The following KCNH3 variants were observed in gnomAD, a reference collection of about 807,000 sequenced individuals.
KCNH3 encodes the protein potassium voltage-gated channel subfamily H member 3, also known as voltage-gated inwardly rectifying potassium channel KCNH3.
A neutral mutation model predicts 95.6 loss-of-function variants in KCNH3; 36 were observed. That is an observed-to-expected ratio of 0.38 (90% CI 0.29 to 0.50). The LOEUF (loss-of-function observed/expected upper bound fraction) is 0.50, where lower values mean the gene tolerates loss of function less well. Ranked by LOEUF, KCNH3 falls within the 20% of genes least tolerant of loss-of-function variation. The pLI is 0.95. For synonymous variants in KCNH3, 620 were observed against 646.3 expected, an observed-to-expected ratio of 0.96 and a Z score of 0.62; for missense variants, 1,030 against 1,484.1, an observed-to-expected ratio of 0.69 and a Z score of 5.03.
rs202088172 is a variant in KCNH3, at chr12:49,557,717, G to A, written c.3016G>A (p.Gly1006Arg). The stretch of plus-strand genomic sequence containing the variant: ...CTCAGACTCAGAGCCCCCTGCCTCA[G>A]GAGACCTCTGCTCTGAGCCCAGCAC... ...STSDSEPPASGDLCSEPSTPA... is the reference protein window; with the variant it reads ...STSDSEPPASRDLCSEPSTPA... The change falls in exon 15 of 15, where the codon GGA becomes AGA. Residue 1006 changes from glycine (G) to arginine (R), a missense_variant. This residue lies in a region of KCNH3 where 464 missense variants were observed against 493.2 expected (regional missense o/e 0.94). Coordinates refer to ENST00000257981, the MANE Select transcript of KCNH3 (RefSeq NM_012284.3). The A allele has an allele frequency of 1.2e-5, 19 of 1,613,760 alleles. No homozygotes were observed. The Admixed American group carries it at 2.8e-4, about 24-fold the overall frequency.
At chr12:49,550,043 T>TGGCCCCCCCC in intron 9 of KCNH3, 37 bp from the exon 10 acceptor site, 19 of 1,299,538 alleles carry the variant, frequency 1.5e-5, no homozygotes, top group Non-Finnish European at 1.9e-5. Context: ...CTTCTGCCAC[T>TGGCCCCCCCC]CCCAACCCCC....
intron 1 of KCNH3, 60 bp from the exon 2 acceptor site, chr12:49,540,839 G>A: frequency 3.6e-6 from 5 of 1,371,822 alleles, no homozygotes; most frequent in South Asian, 1.2e-5. Flanking sequence ...TGAGAAAGGA[G>A]GGGTGGTAGG....
At chr12:49,541,581 C>T (rs369487132) in intron 2 of KCNH3, 49 bp from the exon 3 acceptor site, 1 of 1,604,660 alleles carries the variant, frequency 6.2e-7, no homozygotes, top group Non-Finnish European at 8.5e-7. Flanking sequence ...TCTGTCACCT[C>T]AGGCAGTGCT....
rs750785270 is a variant in KCNH3 at position 49,557,973 on chromosome 12, G to C, written c.*20G>C. On this transcript the variant is annotated 3_prime_UTR_variant, in exon 15 of 15. Transcript: ENST00000257981. Reference sequence around the variant, plus strand: ...GTCTGAGTACCAGCCCTAGAACTCAGCGTTGCCAGGTGTGCTGCCATCTGC... The same window carrying C: ...GTCTGAGTACCAGCCCTAGAACTCACCGTTGCCAGGTGTGCTGCCATCTGC... 7 of 1,451,632 alleles carry C rather than the reference G, an allele frequency of 4.8e-6. No homozygotes were observed. Among genetic ancestry groups the C allele is most frequent in the Non-Finnish European group, 6.4e-6 (7 of 1,098,606 alleles). 89.9% of individuals were successfully genotyped at this position (1,451,632 alleles called of 1,614,324 possible).
intron 7 of KCNH3, among the ~76,000 whole-genome samples, chr12:49,547,813 A>ACACAT (rs1046472484): frequency 1.4e-4 from 21 of 152,150 alleles, no homozygotes; most frequent in Admixed American, 1.3e-3. Flanking sequence ...AGCCACAGCC[A>ACACAT]CACATACCCT....
In KCNH3 at chr12:49,557,247, G is replaced by A. The variant is rs576049455; in HGVS notation, c.2640G>A (p.Lys880=). 4.3e-6 allele frequency: 7 copies of A among 1,614,010 alleles called. No individual in the cohort carries two copies. The East Asian group carries it at 1.6e-4, about 36-fold the overall frequency. ...CAAGGAACACAGACACACTGGACAAGCTTCGGCAGGCGGTGGGTGAGGGGG... is the reference window on the plus strand; with the variant it reads ...CAAGGAACACAGACACACTGGACAAACTTCGGCAGGCGGTGGGTGAGGGGG... ...SEARNTDTLD[K]LRQAVTELSE... The change falls in exon 14 of 15, where the codon AAG becomes AAA. Residue 880 remains lysine, a synonymous_variant. Transcript: ENST00000257981.
In KCNH3 at chr12:49,549,913, C is replaced by T. The variant is rs1027422294; in HGVS notation, c.1669-167C>T. 2.6e-5 allele frequency among the ~76,000 whole-genome samples: 4 copies of T among 152,154 alleles called. 1 individual carries two copies. Among genetic ancestry groups the T allele is most frequent in the African/African-American group, 7.2e-5 (3 of 41,440 alleles). ...TGATTGAGAGGGAGGTGGAGGAAGC[C>T]CCCTCGCTGCCACCCTGTGTGGAGC... On this transcript the variant is annotated intron_variant, in intron 9 of 14. Coordinates refer to ENST00000257981, the MANE Select transcript of KCNH3 (RefSeq NM_012284.3).
chr12:49,541,156 G>A, intron 2 of KCNH3, 24 bp downstream of exon 2: 1 of 1,573,520 alleles, frequency 6.4e-7, no homozygotes, highest in South Asian at 1.1e-5. Context: ...TGGCCAGCCT[G>A]CCTCACCTTT....
At chr12:49,557,080 T>G in intron 13 of KCNH3, 103 bp from the exon 14 acceptor site, 2 of 1,120,250 alleles carry the variant, frequency 1.8e-6, no homozygotes, top group South Asian at 1.3e-5. Flanking sequence ...AGGAGTCAGG[T>G]CCTACCAGGT....
intron 7 of KCNH3, among the ~76,000 whole-genome samples, chr12:49,547,983 C>T (rs1400199193): frequency 1.3e-5 from 2 of 152,210 alleles, no homozygotes; most frequent in African/African-American, 2.4e-5. Context: ...CAGCACACAG[C>T]CTTGGGAGAG....
intron 12 of KCNH3, 36 bp downstream of exon 12, chr12:49,555,987 G>A (rs1473242120): frequency 1.9e-6 from 2 of 1,042,544 alleles, no homozygotes; most frequent in South Asian, 1.5e-5. Context: ...CAGAGATGGT[G>A]GTGATGAGGC....
Position 49,550,207 on chromosome 12 carries a change from G to C in KCNH3, c.1796G>C (p.Arg599Pro). 6.2e-7 allele frequency: 1 copy of C among 1,609,382 alleles called. No homozygotes were observed. ...GCLRALSLAL[R>P]PAFCTPGEYL... ...CTGCGGGCACTGTCTCTGGCCCTGCGGCCCGCCTTCTGCACGCCGGGCGAG... is the reference window on the plus strand; with the variant it reads ...CTGCGGGCACTGTCTCTGGCCCTGCCGCCCGCCTTCTGCACGCCGGGCGAG... Residue 599 changes from arginine to proline, a missense_variant, in exon 10 of 15, where the codon CGG (arginine) becomes CCG (proline). Physicochemically the swap from Arg to Pro is moderately radical, Grantham distance 103 (BLOSUM62 -2). This residue lies in a region of KCNH3 where 160 missense variants were observed against 316.2 expected (regional missense o/e 0.51). Coordinates refer to ENST00000257981, the MANE Select transcript of KCNH3 (RefSeq NM_012284.3).
intron 7 of KCNH3, among the ~76,000 whole-genome samples, chr12:49,544,692 C>T (rs1228426862): frequency 6.6e-6 from 1 of 152,138 alleles, no homozygotes; most frequent in Non-Finnish European, 1.5e-5. Context: ...CACTGCCCTC[C>T]AGGGTTTCTC....
At chr12:49,548,102 G>A (rs888640804) in intron 7 of KCNH3, among the ~76,000 whole-genome samples, 1,986 of 101,742 alleles carry the variant, frequency 0.02, 33 homozygotes, top group African/African-American at 0.12. Context: ...CTACGTGTGT[G>A]TGTGTGTGTG....
At chr12:49,556,103 T>G in intron 12 of KCNH3, 152 bp downstream of exon 12, 1 of 593,684 alleles carries the variant, frequency 1.7e-6, no homozygotes, top group Middle Eastern at 4.4e-4. Flanking sequence ...CCTTCTGTGC[T>G]CCTCCTTTCT....
intron 6 of KCNH3, 30 bp from the exon 7 acceptor site, chr12:49,544,145 T>TGC: frequency 4.9e-6 from 4 of 818,324 alleles, no homozygotes; most frequent in Non-Finnish European, 7.8e-6. Flanking sequence ...CTGACCTCCC[T>TGC]CCCTCCCTCC....
In KCNH3 at chr12:49,555,851, G is replaced by A. The variant is rs750229894; in HGVS notation, c.2368G>A (p.Ala790Thr). Residue 790 changes from alanine to threonine, a missense_variant, in exon 12 of 15, where the codon GCT (alanine) becomes ACT (threonine). By Grantham distance (58) the Ala-to-Thr change is moderately conservative. Coordinates refer to ENST00000257981, the MANE Select transcript of KCNH3 (RefSeq NM_012284.3). ...GGRGRPGRAG[A>T]LKAEAGPSAP... ...CAGAGGGAGGCCAGGCAGGGCAGGG[G>A]CTTTGAAGGCTGAGGCTGGCCCCTC... 6.2e-7 allele frequency: 1 copy of A among 1,612,388 alleles called. No homozygotes were observed. The highest frequency in any genetic ancestry group is 2.2e-5 in the East Asian group (1 of 44,864).
rs145192474 is a variant in KCNH3, at chr12:49,545,325, C to T, written c.1189+943C>T. 4.8e-3 allele frequency among the ~76,000 whole-genome samples: 732 copies of T among 152,140 alleles called. 4 individuals carry two copies. Among genetic ancestry groups the T allele is most frequent in the Non-Finnish European group, 8.2e-3 (556 of 68,010 alleles). Reference sequence around the variant, plus strand: ...GCCTCAGGTCCAAAATCAAACCTGACCTCTTCCTCCCCAGCCCTCCAGCCC... The same window carrying T: ...GCCTCAGGTCCAAAATCAAACCTGATCTCTTCCTCCCCAGCCCTCCAGCCC... On this transcript the variant is annotated intron_variant, in intron 7 of 14. Transcript: ENST00000257981.
intron 7 of KCNH3, among the ~76,000 whole-genome samples, chr12:49,545,537 C>A (rs1938033220): frequency 6.6e-6 from 1 of 151,876 alleles, no homozygotes; most frequent in Non-Finnish European, 1.5e-5. Context: ...GGACTACAGG[C>A]ATCCGCCAGC....
Sources: gnomAD v4.1 joint callset for allele counts (sites outside exome capture counted in the v4.1 genomes callset) on GRCh38, gnomAD v4.1.1 for gene constraint, gnomAD v4.1.1 regional missense constraint, MANE v1.5 for transcripts, NCBI Gene and HGNC (gene_info 2026-07-23, HGNC 2026-07-21) for gene names.